PDE1C: variants seen among roughly 807,000 people sequenced by gnomAD.
PDE1C encodes phosphodiesterase 1C, also known as dual specificity calcium/calmodulin-dependent 3',5'-cyclic nucleotide phosphodiesterase 1C.
A neutral mutation model predicts 93.1 loss-of-function variants in PDE1C; 62 were observed. The observed-to-expected ratio is 0.67, with a 90% CI of 0.54 to 0.82. The LOEUF is 0.82. Ranked by LOEUF, PDE1C falls within the 40% of genes least tolerant of loss-of-function variation. PDE1C has a pLI of 0.00. For synonymous variants in PDE1C, 325 were observed against 310.1 expected, an observed-to-expected ratio of 1.05 and a Z score of -0.50; for missense variants, 742 against 884.6, an observed-to-expected ratio of 0.84 and a Z score of 2.04.
At chr7:32,252,138 C>G (rs1809438627) in intron 1 of PDE1C, among the ~76,000 whole-genome samples, 1 of 152,236 alleles carries the variant, frequency 6.6e-6, no homozygotes, top group Non-Finnish European at 1.5e-5. Flanking sequence ...GTCTCCTCCT[C>G]TCTGACCTGC....
At chr7:31,806,683 A>G (rs1191766006) in intron 16 of PDE1C, among the ~76,000 whole-genome samples, 2 of 151,874 alleles carry the variant, frequency 1.3e-5, no homozygotes, top group Non-Finnish European at 2.9e-5. Flanking sequence ...GCCAACTGTG[A>G]TTCAGTTTCC....
At chr7:32,177,191 A>C (rs970870470) in intron 2 of PDE1C, among the ~76,000 whole-genome samples, 1 of 152,214 alleles carries the variant, frequency 6.6e-6, no homozygotes, top group African/African-American at 2.4e-5. Flanking sequence ...GTCTTGACCA[A>C]GTTTCTTTCT....
At position 31,962,235 on chromosome 7, in the gene PDE1C, C is replaced by T. The variant is rs189671045; in HGVS notation, c.129-81375G>A. ...ACCCAGAGAGCATTTCAAAGTATTG[C>T]TACTGTTAAGACCTCTTTACCTTAG... On this transcript the variant is annotated intron_variant, in intron 2 of 17. Coordinates refer to ENST00000396191, the MANE Select transcript of PDE1C (RefSeq NM_001191057.4). Among the ~76,000 whole-genome samples the T allele has an allele frequency of 2.4e-3, 371 of 152,320 alleles. 7 individuals are homozygous for T. In the South Asian group the frequency reaches 0.029, roughly 12 times the overall value.
At chr7:32,388,204 A>G (rs1784678009) in intron 1 of PDE1C, among the ~76,000 whole-genome samples, 1 of 152,198 alleles carries the variant, frequency 6.6e-6, no homozygotes, top group Non-Finnish European at 1.5e-5. Flanking sequence ...AACACCTAAA[A>G]TGCTAGTAAG....
chr7:32,169,717 A>C (rs923063320), intron 3 of PDE1C: 10 of 1,353,262 alleles, frequency 7.4e-6, no homozygotes, highest in Admixed American at 1.7e-5. Flanking sequence ...CTGACTATGC[A>C]TCTAACTGGA....
At chr7:31,940,262 G>A (rs1245581009) in intron 2 of PDE1C, among the ~76,000 whole-genome samples, 1 of 152,238 alleles carries the variant, frequency 6.6e-6, no homozygotes, top group East Asian at 1.9e-4. Flanking sequence ...AAGCGGTATT[G>A]GAGGGGTGGA....
chr7:31,790,113 G>A, intron 16 of PDE1C: 3 of 1,546,786 alleles, frequency 1.9e-6, no homozygotes, highest in African/African-American at 1.4e-5. Context: ...GGGGTGGGGG[G>A]CTTGTGTTTG....
At chr7:32,103,847 A>G (rs1272072905) in intron 3 of PDE1C, among the ~76,000 whole-genome samples, 1 of 152,208 alleles carries the variant, frequency 6.6e-6, no homozygotes, top group Non-Finnish European at 1.5e-5. Flanking sequence ...ATTGCAGAGA[A>G]GAAACAAGAA....
At chr7:32,408,997 G>A (rs1002205127) in intron 1 of PDE1C, among the ~76,000 whole-genome samples, 3 of 152,080 alleles carry the variant, frequency 2.0e-5, no homozygotes, top group Non-Finnish European at 4.4e-5. Flanking sequence ...CCAAGCCCAG[G>A]GGTTTTCTGG....
chr7:31,870,427 A>T (rs2128856894), intron 6 of PDE1C, among the ~76,000 whole-genome samples: 1 of 152,188 alleles, frequency 6.6e-6, no homozygotes, highest in Non-Finnish European at 1.5e-5. Flanking sequence ...AGATATTACA[A>T]CTGATACCAC....
chr7:32,145,423 G>GCA (rs945209171), intron 3 of PDE1C, among the ~76,000 whole-genome samples: 2 of 152,074 alleles, frequency 1.3e-5, no homozygotes, highest in African/African-American at 4.8e-5. Context: ...TTGCCAGCTA[G>GCA]CACACACACA....
rs1212646975 is a variant in PDE1C, at chr7:32,398,631, CT to C, written c.310+29190del. On this transcript the variant is annotated intron_variant, in intron 1 of 1. Transcript: ENST00000672256. ...CTCAAACTCCTGACCTCAAGTGATC[CT>C]CCCGTCTCGGCCTCCCAAAGTGCTG... Among the ~76,000 whole-genome samples, 6 of 152,024 alleles carry C rather than the reference CT, an allele frequency of 3.9e-5. No homozygotes were observed. In the South Asian group the frequency reaches 1.2e-3, roughly 32 times the overall value.
intron 2 of PDE1C, among the ~76,000 whole-genome samples, chr7:31,966,197 C>T (rs1247858081): frequency 6.6e-6 from 1 of 152,152 alleles, no homozygotes; most frequent in South Asian, 2.1e-4. Context: ...CATCAGTGTG[C>T]TGTATTCAGG....
At chr7:32,071,051 G>C (rs1177613095), upstream of PDE1C, 1 of 985,378 alleles carries the variant, frequency 1.0e-6, no homozygotes, top group Non-Finnish European at 1.2e-6. Flanking sequence ...GCTGGTGTCT[G>C]GGCTGTCACC....
At chr7:32,297,188 T>A (rs1231044076) in intron 1 of PDE1C, among the ~76,000 whole-genome samples, 29 of 152,080 alleles carry the variant, frequency 1.9e-4, no homozygotes. Context: ...AAGTGTTCAG[T>A]CCATGCCCCA....
At chr7:31,918,506 C>G (rs117308397) in intron 2 of PDE1C, among the ~76,000 whole-genome samples, 168 of 152,282 alleles carry the variant, frequency 1.1e-3, no homozygotes, top group Non-Finnish European at 1.9e-3. Context: ...ATCTGGAAAT[C>G]TGCTTGTTCC....
At chr7:31,689,888 A>G in the PDE1C span, among the ~76,000 whole-genome samples, 1 of 152,334 alleles carries the variant, frequency 6.6e-6, no homozygotes, top group African/African-American at 2.4e-5. Context: ...ATTGTCTCTC[A>G]GCCCCTTAGC....
the PDE1C span, among the ~76,000 whole-genome samples, chr7:31,638,185 A>G: frequency 6.6e-6 from 1 of 152,340 alleles, no homozygotes; most frequent in East Asian, 1.9e-4. Context: ...TGATATAAGG[A>G]GGAAAACGGG....
At chr7:31,670,432 A>T in the PDE1C span, among the ~76,000 whole-genome samples, 1 of 152,134 alleles carries the variant, frequency 6.6e-6, no homozygotes, top group African/African-American at 2.4e-5. Flanking sequence ...ATCAATTATA[A>T]ATCTGCTCCT....
Sources: gnomAD v4.1 joint callset for allele counts (sites outside exome capture counted in the v4.1 genomes callset) on GRCh38, gnomAD v4.1.1 for gene constraint, MANE v1.5 for transcripts, NCBI Gene and HGNC (gene_info 2026-07-23, HGNC 2026-07-21) for gene names.